BLM: variants seen among roughly 807,000 people sequenced by gnomAD.
BLM encodes the protein recQ-like DNA helicase BLM.
Under a neutral mutation model 135.3 loss-of-function variants are expected in BLM, and 95 were observed. The observed-to-expected ratio is 0.70, with a 90% CI of 0.59 to 0.83. BLM has a LOEUF of 0.83. BLM is among the 40% of genes least tolerant of loss of function. BLM has a pLI of 0.00. For synonymous variants in BLM, 520 were observed against 589.2 expected, an observed-to-expected ratio of 0.88 and a Z score of 1.70; for missense variants, 1,518 against 1,663.9, an observed-to-expected ratio of 0.91 and a Z score of 1.53.
chr15:90,719,398 T>A (rs1384040888), intron 1 of BLM, among the ~76,000 whole-genome samples: 1 of 152,160 alleles, frequency 6.6e-6, no homozygotes, highest in Non-Finnish European at 1.5e-5. Context: ...GGCCAGGAGT[T>A]CGAGACTTGC....
chr15:90,762,555 G>A (rs1424518659), intron 7 of BLM: 1 of 218,200 alleles, frequency 4.6e-6, no homozygotes, highest in Admixed American at 5.3e-5. Context: ...AAGATCATAG[G>A]ACTAGGAAAG....
At chr15:90,737,236 G>T (rs1322738596) in intron 1 of BLM, among the ~76,000 whole-genome samples, 1 of 151,682 alleles carries the variant, frequency 6.6e-6, no homozygotes, top group Non-Finnish European at 1.5e-5. Context: ...TATAGTTTCA[G>T]ATTGAATAAA....
intron 9 of BLM, 103 bp downstream of exon 9, chr15:90,765,517 AG>A: frequency 1.1e-6 from 1 of 949,286 alleles, no homozygotes; most frequent in Non-Finnish European, 1.6e-6. Context: ...TAAAAAATAA[AG>A]CACAGCAGTT....
chr15:90,775,461 A>AAT (rs1187760107), intron 12 of BLM, among the ~76,000 whole-genome samples: 8 of 148,750 alleles, frequency 5.4e-5, no homozygotes, highest in African/African-American at 1.5e-4. Context: ...ATATATATAT[A>AAT]ATATATATGT....
At chr15:90,791,643 A>AT (rs568509877) in intron 15 of BLM, among the ~76,000 whole-genome samples, 2,427 of 146,950 alleles carry the variant, frequency 0.017, 60 homozygotes, top group African/African-American at 0.054. Context: ...CTTATATAAG[A>AT]TTTTTTTTTT....
Position 90,782,945 on chromosome 15 carries a change from G to A in BLM, c.2662+17G>A. ...ACCACCCATGTGAGTACAGCCATGT[G>A]ATTAGCTGTCTAGAAGTAACAAATG... On this transcript the variant is annotated intron_variant, in intron 13 of 21. Transcript: ENST00000355112. 6.4e-7 allele frequency: 1 copy of A among 1,560,394 alleles called. No individual in the cohort carries two copies. The highest frequency in any genetic ancestry group is 8.8e-7 in the Non-Finnish European group (1 of 1,131,260).
chr15:90,778,648 T>C (rs1397093993), intron 12 of BLM, among the ~76,000 whole-genome samples: 1 of 152,252 alleles, frequency 6.6e-6, no homozygotes, highest in African/African-American at 2.4e-5. Context: ...TTTGTGACTG[T>C]CTACTTAGCA....
Position 90,815,123 on chromosome 15 carries a change from G to C in BLM, c.4098G>C (p.Lys1366Asn), listed in dbSNP as rs752989757. 6.2e-7 allele frequency: 1 copy of C among 1,613,942 alleles called. No homozygotes were observed. Among genetic ancestry groups the C allele is most frequent in the Non-Finnish European group, 8.5e-7 (1 of 1,180,034 alleles). Reference protein sequence around the residue: ...KAKGGSATCRKISSKTKSSSI... With the variant: ...KAKGGSATCRNISSKTKSSSI... Reference sequence around the variant, plus strand: ...TCAGGGGGTCTGCCACATGTAGAAAGATATCTTCCAAAACGAAATCCTCCA... The same window carrying C: ...TCAGGGGGTCTGCCACATGTAGAAACATATCTTCCAAAACGAAATCCTCCA... Residue 1366 changes from lysine to asparagine, a missense_variant, in exon 22 of 22, where the codon AAG (lysine) becomes AAC (asparagine). Physicochemically the swap from Lys to Asn is moderately conservative, Grantham distance 94. This residue lies in a region of BLM where 153 missense variants were observed against 173.4 expected (regional missense o/e 0.88). Transcript: ENST00000355112. The surrounding 1 kb of genome is among the most constrained non-coding windows in gnomAD (Gnocchi z 4.6).
At chr15:90,810,152 A>G (rs1323182516) in intron 20 of BLM, among the ~76,000 whole-genome samples, 1 of 151,372 alleles carries the variant, frequency 6.6e-6, no homozygotes, top group Non-Finnish European at 1.5e-5. Context: ...TCCCAGATTC[A>G]AGCAATTATC....
chr15:90,797,243 A>G (rs1230271484), intron 16 of BLM, among the ~76,000 whole-genome samples: 1 of 151,900 alleles, frequency 6.6e-6, no homozygotes, highest in Non-Finnish European at 1.5e-5. Context: ...GTGAAACCCC[A>G]TCTCTACTAA....
chr15:90,774,813 A>C (rs1038237593), intron 12 of BLM, among the ~76,000 whole-genome samples: 4 of 151,680 alleles, frequency 2.6e-5, no homozygotes, highest in African/African-American at 9.7e-5. Context: ...CAGCCAAAAA[A>C]AAAAAAAAAA....
At chr15:90,736,068 T>C (rs1311286466) in intron 1 of BLM, among the ~76,000 whole-genome samples, 4 of 152,220 alleles carry the variant, frequency 2.6e-5, no homozygotes, top group Admixed American at 6.5e-5. Flanking sequence ...TGCACTGAAA[T>C]ACCGTTTCTC....
At chr15:90,812,369 G>A (rs551796415) in intron 21 of BLM, among the ~76,000 whole-genome samples, 4 of 152,282 alleles carry the variant, frequency 2.6e-5, no homozygotes, top group Admixed American at 6.5e-5. Flanking sequence ...TGGGCCGCTC[G>A]TCTGGGACAT....
chr15:90,754,060 A>G (rs1389313372), intron 4 of BLM, among the ~76,000 whole-genome samples: 1 of 152,322 alleles, frequency 6.6e-6, no homozygotes, highest in Non-Finnish European at 1.5e-5. Context: ...GTCCTTTTTA[A>G]AATCTTTCTT....
rs1438250598 is a variant in BLM, at chr15:90,717,386, T to A, written c.-59T>A. The A allele has an allele frequency of 6.6e-6, 1 of 152,472 alleles. No homozygotes were observed. The highest frequency in any genetic ancestry group is 1.5e-5 in the Non-Finnish European group (1 of 68,238). The allele number at this position is 152,472 out of a possible 1,614,324, so 9.4% of individuals were successfully genotyped here. A position where few individuals can be genotyped will look rare whatever the true frequency, so the allele number is the denominator to read the frequency against. On this transcript the variant is annotated 5_prime_UTR_variant, in exon 1 of 22. In the 5' UTR this introduces an upstream ATG that the reference lacks. Coordinates refer to ENST00000355112, the MANE Select transcript of BLM (RefSeq NM_000057.4). ...CCAGGGCTTGGCGCGGCGGCCGTGG[T>A]TGCGGCGCGGGAAGTTTGGATCCTG...
intron 14 of BLM, among the ~76,000 whole-genome samples, chr15:90,787,571 C>A (rs1010102194): frequency 6.6e-6 from 1 of 151,890 alleles, no homozygotes; most frequent in African/African-American, 2.4e-5. Flanking sequence ...TTTAGTATCC[C>A]GAGAAAGATA....
At chr15:90,773,944 T>G (rs1896398417) in intron 12 of BLM, among the ~76,000 whole-genome samples, 1 of 152,174 alleles carries the variant, frequency 6.6e-6, no homozygotes, top group African/African-American at 2.4e-5. Context: ...CTGTGAACAT[T>G]TGTGTAGAAG....
chr15:90,720,610 C>T (rs1165595796), intron 1 of BLM, among the ~76,000 whole-genome samples: 2 of 151,834 alleles, frequency 1.3e-5, no homozygotes, highest in Non-Finnish European at 2.9e-5. Context: ...AAACCTGACA[C>T]TTGAGGAATT....
chr15:90,756,722 A>G (rs1373302973), intron 5 of BLM, among the ~76,000 whole-genome samples: 2 of 152,190 alleles, frequency 1.3e-5, no homozygotes, highest in East Asian at 3.8e-4. Context: ...TCTTCAGACC[A>G]TGTTTCTGTT....
Sources: gnomAD v4.1 joint callset for allele counts (sites outside exome capture counted in the v4.1 genomes callset) on GRCh38, gnomAD v4.1.1 for gene constraint, gnomAD v4.1.1 regional missense constraint, Gnocchi (gnomAD v3.1) non-coding constraint, MANE v1.5 for transcripts, NCBI Gene and HGNC (gene_info 2026-07-23, HGNC 2026-07-21) for gene names.